The following IFT46 variants were observed in gnomAD, a reference collection of about 807,000 sequenced individuals.
The protein encoded by IFT46 is intraflagellar transport 46, also known as intraflagellar transport protein 46 homolog.
IFT46 carries 19 observed loss-of-function variants against 39.6 expected under a neutral mutation model. That is an observed-to-expected ratio of 0.48 (90% CI 0.33 to 0.70). The LOEUF is 0.70. Ranked by LOEUF, IFT46 falls within the 30% of genes least tolerant of loss-of-function variation. The pLI is 0.01. For synonymous variants in IFT46, 117 were observed against 134.8 expected, an observed-to-expected ratio of 0.87 and a Z score of 0.91; for missense variants, 334 against 364.8, an observed-to-expected ratio of 0.92 and a Z score of 0.69.
At chr11:118,556,827 C>T in intron 4 of IFT46, 79 bp downstream of exon 4, 1 of 1,434,980 alleles carries the variant, frequency 7.0e-7, no homozygotes, top group Non-Finnish European at 9.2e-7. Flanking sequence ...AATTTCACTT[C>T]TAACTGACGT....
intron 1 of IFT46, chr11:118,572,485 C>T (rs563971352): frequency 6.3e-7 from 1 of 1,594,466 alleles, no homozygotes; most frequent in East Asian, 2.3e-5. Context: ...CTCCCGTTCC[C>T]CAGACCCTAC....
rs1247487153 is a variant in IFT46 at position 118,559,986 on chromosome 11, G to T, written c.-35-122C>A. 1.3e-5 allele frequency: 8 copies of T among 639,134 alleles called. No homozygotes were observed. In the Admixed American group the frequency reaches 2.2e-4, roughly 18 times the overall value. The allele number at this position is 639,134 out of a possible 1,614,324, so 39.6% of individuals were successfully genotyped here. A position where few individuals can be genotyped will look rare whatever the true frequency, so the allele number is the denominator to read the frequency against. ...AAAACAAGGTTTATTGGAACATCTG[G>T]CTAAAGAGACAGGAGACTGAATTCT... On this transcript the variant is annotated intron_variant, in intron 2 of 11. Transcript: ENST00000264021.
At chr11:118,547,730 TTTTC>T (rs1951720657) in intron 9 of IFT46, among the ~76,000 whole-genome samples, 1 of 142,806 alleles carries the variant, frequency 7.0e-6, no homozygotes, top group African/African-American at 2.6e-5. Context: ...CTCCTTTTAC[TTTTC>T]TTTTCTTTTC....
At chr11:118,564,753 A>G (rs1938171586) in intron 2 of IFT46, among the ~76,000 whole-genome samples, 1 of 152,206 alleles carries the variant, frequency 6.6e-6, no homozygotes, top group African/African-American at 2.4e-5. Context: ...CAGTAACATG[A>G]AGTAAATGGT....
At chr11:118,572,072 A>C (rs1187477963) in intron 1 of IFT46, among the ~76,000 whole-genome samples, 2 of 150,878 alleles carry the variant, frequency 1.3e-5, no homozygotes, top group Admixed American at 6.6e-5. Flanking sequence ...CCTGGGCGAC[A>C]GAGTGAGACT....
upstream of IFT46, among the ~76,000 whole-genome samples, chr11:118,567,597 C>T (rs1230653751): frequency 6.6e-6 from 1 of 152,092 alleles, no homozygotes; most frequent in Non-Finnish European, 1.5e-5. Flanking sequence ...AATAGCAATA[C>T]ATTTTAAAAA....
intron 4 of IFT46, among the ~76,000 whole-genome samples, chr11:118,555,877 C>T (rs560146841): frequency 1.1e-4 from 17 of 150,752 alleles, no homozygotes; most frequent in Non-Finnish European, 2.1e-4. Context: ...GAGCCAAGAT[C>T]GCACCACTGC....
At chr11:118,545,740 C>G (rs1351507384) in intron 10 of IFT46, 53 bp downstream of exon 10, 43 of 1,561,154 alleles carry the variant, frequency 2.8e-5, no homozygotes, top group Non-Finnish European at 3.7e-5. Flanking sequence ...TGTCCAAAAG[C>G]CTAGAGTGTC....
exon 1 of IFT46, chr11:118,572,607 G>C (rs1938372011): frequency 6.3e-6 from 10 of 1,584,396 alleles, no homozygotes; most frequent in Non-Finnish European, 8.6e-6. Context: ...GTCTCTCCTT[G>C]TCGGCGGGCC....
At chr11:118,556,876 G>T in intron 4 of IFT46, 30 bp downstream of exon 4, 1 of 1,514,514 alleles carries the variant, frequency 6.6e-7, no homozygotes, top group Non-Finnish European at 8.9e-7. Context: ...ATTCTGAAGA[G>T]CACCCTTGGC....
intron 9 of IFT46, among the ~76,000 whole-genome samples, chr11:118,550,283 C>T (rs1225071522): frequency 2.0e-5 from 3 of 152,178 alleles, no homozygotes; most frequent in African/African-American, 7.2e-5. Flanking sequence ...TTTCTTATTA[C>T]ACTGAGAAAC....
chr11:118,557,071 A>G (rs1555069684), intron 3 of IFT46, 26 bp from the exon 4 acceptor site: 2 of 1,550,264 alleles, frequency 1.3e-6, no homozygotes, highest in South Asian at 2.5e-5. Flanking sequence ...GCAGGCATAG[A>G]AAGCTTCAAG....
chr11:118,572,723 C>T, exon 1 of IFT46: 1 of 670,848 alleles, frequency 1.5e-6, no homozygotes, highest in East Asian at 3.1e-5. Context: ...CCTGGAGATC[C>T]GATGGAGCTG....
exon 1 of IFT46, chr11:118,572,842 G>T: frequency 9.6e-6 from 4 of 417,858 alleles, no homozygotes; most frequent in Non-Finnish European, 1.7e-5. Flanking sequence ...TTTGCTCTGC[G>T]AGAACTTCGT....
At chr11:118,567,049 A>G (rs993790466), upstream of IFT46, among the ~76,000 whole-genome samples, 4 of 152,004 alleles carry the variant, frequency 2.6e-5, no homozygotes, top group Admixed American at 6.6e-5. Flanking sequence ...CTAGAGCAAC[A>G]TAGCAAGAAC....
At chr11:118,555,547 CAT>C (rs1386314186) in intron 4 of IFT46, 6 of 437,960 alleles carry the variant, frequency 1.4e-5, no homozygotes, top group Non-Finnish European at 2.4e-5. Flanking sequence ...AAATCCAAAA[CAT>C]AATATTTTTT....
In IFT46 at chr11:118,544,672, C is replaced by T; in HGVS notation, c.*244G>A. 1 of 435,324 alleles carries T rather than the reference C, an allele frequency of 2.3e-6. No individual in the cohort carries two copies. Among genetic ancestry groups the T allele is most frequent in the Non-Finnish European group, 4.1e-6 (1 of 244,120 alleles). The allele number at this position is 435,324 out of a possible 1,614,324, so 27.0% of individuals were successfully genotyped here. ...CCATGGGATCTCAGAAATTCCAATT[C>T]TTATAACTCAAATCCCCACAGTGGT... On this transcript the variant is annotated 3_prime_UTR_variant, in exon 12 of 12. Coordinates refer to ENST00000264021, the MANE Select transcript of IFT46 (RefSeq NM_001168618.2).
intron 1 of IFT46, chr11:118,565,485 G>A (rs193264023): frequency 7.9e-6 from 1 of 126,528 alleles, no homozygotes; most frequent in African/African-American, 3.0e-5. Context: ...GGGTGGGGTG[G>A]GGTGGGGTGG....
intron 2 of IFT46, chr11:118,560,122 A>G (rs1555070322): frequency 2.4e-6 from 1 of 414,710 alleles, no homozygotes; most frequent in African/African-American, 2.0e-5. Flanking sequence ...CATAAATAAT[A>G]TAAACTCTGG....
Sources: allele counts gnomAD v4.1 joint callset (sites outside exome capture counted in the v4.1 genomes callset), GRCh38; gene constraint gnomAD v4.1.1; transcripts MANE v1.5; gene names NCBI Gene and HGNC (gene_info 2026-07-23, HGNC 2026-07-21).